The following CACNA1E variants were observed in gnomAD, a reference collection of about 807,000 sequenced individuals.
CACNA1E encodes voltage-dependent R-type calcium channel subunit alpha-1E.
CACNA1E carries 40 observed loss-of-function variants against 259.2 expected under a neutral mutation model. The ratio of observed to expected loss-of-function variants is 0.15; its 90% CI spans 0.12 to 0.20. The LOEUF is 0.20. Ranked by LOEUF, CACNA1E falls within the 10% of genes least tolerant of loss-of-function variation. The pLI, the probability that CACNA1E is intolerant of heterozygous loss-of-function variation, is 1.00. For missense variants in CACNA1E, 1,874 were observed against 3,040.1 expected, an observed-to-expected ratio of 0.62 and a Z score of 9.02; for synonymous variants, 1,104 against 1,138.5, an observed-to-expected ratio of 0.97 and a Z score of 0.61.
At chr1:181,761,910 T>C (rs567679495) in intron 32 of CACNA1E, among the ~76,000 whole-genome samples, 1 of 152,346 alleles carries the variant, frequency 6.6e-6, no homozygotes, top group East Asian at 1.9e-4. Flanking sequence ...TGTACTTAGT[T>C]ACATCTCCTC....
chr1:181,327,244 A>G lies in CACNA1E; in HGVS notation c.-15+9121A>G, dbSNP rs924580465. Among the ~76,000 whole-genome samples, 4 of 152,226 alleles carry G rather than the reference A, an allele frequency of 2.6e-5. No homozygotes were observed. In the South Asian group the frequency reaches 8.3e-4, roughly 32 times the overall value. On this transcript the variant is annotated intron_variant, in intron 1 of 11. Coordinates refer to the CACNA1E transcript ENST00000524607. ...TTCTCCTTCCCTTTGTTGCAGTACA[A>G]TCTCCCCTATGATGGGGTCATTGTG...
In CACNA1E at chr1:181,450,140, G is replaced by A. The variant is rs373152363; in HGVS notation, c.435-33604G>A. Among the ~76,000 whole-genome samples, 41 of 152,278 alleles carry A rather than the reference G, an allele frequency of 2.7e-4. No individual in the cohort carries two copies. In the South Asian group the frequency reaches 8.3e-3, roughly 31 times the overall value. On this transcript the variant is annotated intron_variant, in intron 2 of 11. Transcript: ENST00000524607. Reference sequence around the variant, plus strand: ...AGGAAGAGAGAGAGCAAAGGGGGAAGGGCTACACACTTTCAAACAACCAGA... The same window carrying A: ...AGGAAGAGAGAGAGCAAAGGGGGAAAGGCTACACACTTTCAAACAACCAGA...
intron 36 of CACNA1E, 117 bp downstream of exon 36, chr1:181,771,501 A>G (rs1260006791): frequency 3.0e-6 from 2 of 663,684 alleles, no homozygotes; most frequent in Admixed American, 4.7e-5. Context: ...TGCTCCTGTC[A>G]GTAGAAAGGG....
chr1:181,694,696 C>T (rs936634930), intron 7 of CACNA1E, among the ~76,000 whole-genome samples: 17 of 152,146 alleles, frequency 1.1e-4, no homozygotes, highest in African/African-American at 3.6e-4. Flanking sequence ...TGTAAATTAC[C>T]CAGTCTCAAG....
At chr1:181,422,625 G>A (rs567270577) in intron 2 of CACNA1E, among the ~76,000 whole-genome samples, 1 of 152,184 alleles carries the variant, frequency 6.6e-6, no homozygotes. Flanking sequence ...ACCTTTGTGG[G>A]CCTCATTTTG....
chr1:181,426,264 T>C (rs1571843211), intron 2 of CACNA1E, among the ~76,000 whole-genome samples: 1 of 150,714 alleles, frequency 6.6e-6, no homozygotes, highest in Non-Finnish European at 1.5e-5. Context: ...CCATCTCAAG[T>C]CCTCCCCATT....
intron 3 of CACNA1E, among the ~76,000 whole-genome samples, chr1:181,531,321 G>C (rs1287794335): frequency 2.0e-5 from 3 of 152,166 alleles, no homozygotes; most frequent in African/African-American, 7.2e-5. Flanking sequence ...CCCTTCCTCT[G>C]TGCCCACTTA....
intron 1 of CACNA1E, among the ~76,000 whole-genome samples, chr1:181,342,945 G>A (rs1652281649): frequency 6.6e-6 from 1 of 152,238 alleles, no homozygotes; most frequent in East Asian, 1.9e-4. Flanking sequence ...GTGACAAATG[G>A]GTGGCAGGGC....
In CACNA1E at chr1:181,450,343, G is replaced by C. The variant is rs145314366; in HGVS notation, c.435-33401G>C. On this transcript the variant is annotated intron_variant, in intron 2 of 11. Coordinates refer to the CACNA1E transcript ENST00000524607. ...GCCCAACCCCATCTTGGTAGTGGAT[G>C]GTCAGGAAAAGCTTCCTTTAAGAAC... Among the ~76,000 whole-genome samples the C allele has an allele frequency of 3.0e-3, 455 of 152,216 alleles. 2 individuals carry two copies. Among genetic ancestry groups the C allele is most frequent in the African/African-American group, 0.01 (431 of 41,538 alleles).
intron 29 of CACNA1E, 22 bp from the exon 30 acceptor site, chr1:181,756,903 C>T (rs1464161933): frequency 1.3e-6 from 2 of 1,530,562 alleles, no homozygotes; most frequent in South Asian, 1.1e-5. Context: ...ACCATCTGTG[C>T]CCTCTTGTTC....
intron 1 of CACNA1E, among the ~76,000 whole-genome samples, chr1:181,404,757 T>G (rs1657345306): frequency 6.6e-6 from 1 of 152,124 alleles, no homozygotes; most frequent in Admixed American, 6.5e-5. Flanking sequence ...AGCTGAGGTG[T>G]GCAAAAAGGC....
intron 6 of CACNA1E, among the ~76,000 whole-genome samples, chr1:181,604,246 G>A (rs893497619): frequency 2.0e-5 from 3 of 152,220 alleles, no homozygotes; most frequent in Non-Finnish European, 4.4e-5. Context: ...CCACCAGGGC[G>A]TGAGCTTTTG....
chr1:181,593,269 G>A (rs1007037302), intron 6 of CACNA1E, among the ~76,000 whole-genome samples: 11 of 152,172 alleles, frequency 7.2e-5, no homozygotes, highest in Non-Finnish European at 1.2e-4. Context: ...TGCAGAGTGG[G>A]TGTCTGGTTG....
intron 7 of CACNA1E, among the ~76,000 whole-genome samples, chr1:181,657,296 G>T (rs1181787833): frequency 6.6e-6 from 1 of 152,058 alleles, no homozygotes; most frequent in African/African-American, 2.4e-5. Context: ...GGGAGGGGGA[G>T]ATTTCAGTCA....
intron 6 of CACNA1E, among the ~76,000 whole-genome samples, chr1:181,603,606 C>G (rs567293169): frequency 6.6e-6 from 1 of 151,542 alleles, no homozygotes; most frequent in East Asian, 1.9e-4. Context: ...AGACTTTGCT[C>G]GTGACACATT....
chr1:181,763,102 G>C (rs1261554212), intron 33 of CACNA1E, among the ~76,000 whole-genome samples: 2 of 152,164 alleles, frequency 1.3e-5, no homozygotes, highest in Non-Finnish European at 2.9e-5. Context: ...TCCTAGATCT[G>C]CTCTTTTTGG....
intron 2 of CACNA1E, among the ~76,000 whole-genome samples, chr1:181,464,600 CTT>C (rs776645859): frequency 9.8e-5 from 13 of 132,726 alleles, no homozygotes; most frequent in African/African-American, 1.1e-4. Flanking sequence ...CTGTGAGTGG[CTT>C]TTTTTTTTTT....
chr1:181,734,676 G>T (rs183834513), intron 21 of CACNA1E, among the ~76,000 whole-genome samples: 10 of 133,412 alleles, frequency 7.5e-5, no homozygotes, highest in Non-Finnish European at 1.3e-4. Flanking sequence ...CCCTACCCTT[G>T]CCCTGACCCC....
chr1:181,468,541 A>G (rs1300454642), intron 2 of CACNA1E, among the ~76,000 whole-genome samples: 1 of 152,194 alleles, frequency 6.6e-6, no homozygotes, highest in African/African-American at 2.4e-5. Context: ...TCCACTAGAC[A>G]TAAGGCAGTG....
Sources: gnomAD v4.1 joint callset for allele counts (sites outside exome capture counted in the v4.1 genomes callset) on GRCh38, gnomAD v4.1.1 for gene constraint, MANE v1.5 for transcripts, NCBI Gene and HGNC (gene_info 2026-07-23, HGNC 2026-07-21) for gene names.